The following NKAIN2 variants were observed in gnomAD, a reference collection of about 807,000 sequenced individuals.
NKAIN2 encodes the protein sodium/potassium-transporting ATPase subunit beta-1-interacting protein 2.
Under a neutral mutation model 32.6 loss-of-function variants are expected in NKAIN2, and 14 were observed. The observed-to-expected ratio is 0.43, with a 90% CI of 0.28 to 0.67. NKAIN2 has a LOEUF of 0.67. NKAIN2 is among the 30% of genes least tolerant of loss of function. NKAIN2 has a pLI of 0.17. For synonymous variants in NKAIN2, 80 were observed against 87.2 expected, an observed-to-expected ratio of 0.92 and a Z score of 0.46; for missense variants, 198 against 258.3, an observed-to-expected ratio of 0.77 and a Z score of 1.60.
At position 123,944,443 on chromosome 6, in the gene NKAIN2, T is replaced by A. The variant is rs185791959; in HGVS notation, c.54+140189T>A. On this transcript the variant is annotated intron_variant, in intron 1 of 6. Transcript: ENST00000368417. The stretch of plus-strand genomic sequence containing the variant: ...TTTAGTACCCTATCCCCACCTCATG[T>A]GTAGCCTTCTATTTTGGTCCCACAT... Among the ~76,000 whole-genome samples, 581 of 152,122 alleles carry A rather than the reference T, an allele frequency of 3.8e-3. 13 individuals carry two copies. The highest frequency in any genetic ancestry group is 0.036 in the Admixed American group (554 of 15,216).
intron 4 of NKAIN2, among the ~76,000 whole-genome samples, chr6:124,743,226 A>G (rs1393327747): frequency 6.6e-6 from 1 of 151,876 alleles, no homozygotes; most frequent in East Asian, 2.0e-4. Flanking sequence ...ACCTGTAGGA[A>G]CACATAGTTC....
intron 3 of NKAIN2, among the ~76,000 whole-genome samples, chr6:124,416,865 A>G (rs1052571514): frequency 2.6e-5 from 4 of 152,014 alleles, no homozygotes; most frequent in Non-Finnish European, 5.9e-5. Flanking sequence ...AGTTATAAGG[A>G]ACCCTCCCCT....
intron 1 of NKAIN2, among the ~76,000 whole-genome samples, chr6:123,886,262 A>G (rs760906904): frequency 3.3e-5 from 5 of 152,066 alleles, no homozygotes; most frequent in Non-Finnish European, 4.4e-5. Flanking sequence ...TAGAAAACAT[A>G]TAAATAAAAA....
chr6:124,191,593 C>T (rs1790025309), intron 1 of NKAIN2, among the ~76,000 whole-genome samples: 1 of 152,026 alleles, frequency 6.6e-6, no homozygotes, highest in East Asian at 1.9e-4. Flanking sequence ...GCCTTTTGCC[C>T]ATTTGCCTTA....
At chr6:124,175,875 T>G (rs1582794167) in intron 1 of NKAIN2, among the ~76,000 whole-genome samples, 1 of 152,184 alleles carries the variant, frequency 6.6e-6, no homozygotes, top group East Asian at 1.9e-4. Flanking sequence ...CCTTTATTTC[T>G]CTCTTTCTCA....
At chr6:124,671,240 T>C (rs1050413632) in intron 4 of NKAIN2, among the ~76,000 whole-genome samples, 1 of 152,082 alleles carries the variant, frequency 6.6e-6, no homozygotes, top group Non-Finnish European at 1.5e-5. Context: ...GAGGTATCAT[T>C]ATATCTCTCC....
intron 1 of NKAIN2, among the ~76,000 whole-genome samples, chr6:124,222,967 A>C (rs1791908652): frequency 1.3e-5 from 2 of 152,118 alleles, no homozygotes; most frequent in Non-Finnish European, 2.9e-5. Flanking sequence ...TGCTTTAAAG[A>C]GAAAGAGACC....
chr6:124,613,989 A>G (rs1357747912), intron 3 of NKAIN2, among the ~76,000 whole-genome samples: 1 of 152,132 alleles, frequency 6.6e-6, no homozygotes, highest in Non-Finnish European at 1.5e-5. Flanking sequence ...ATTCCAGTAA[A>G]ATGATCAGGT....
intron 1 of NKAIN2, among the ~76,000 whole-genome samples, chr6:124,235,280 T>C (rs1480194051): frequency 2.0e-5 from 3 of 152,166 alleles, no homozygotes; most frequent in Admixed American, 6.5e-5. Context: ...ATGGAAAACA[T>C]CTTACCTTCC....
At chr6:123,852,812 A>G (rs1400067966) in intron 1 of NKAIN2, among the ~76,000 whole-genome samples, 1 of 152,202 alleles carries the variant, frequency 6.6e-6, no homozygotes, top group African/African-American at 2.4e-5. Context: ...TCCCTTCCTG[A>G]ACTTTACTAT....
At chr6:124,687,877 G>A (rs1774061391) in intron 4 of NKAIN2, among the ~76,000 whole-genome samples, 1 of 150,456 alleles carries the variant, frequency 6.6e-6, no homozygotes, top group South Asian at 2.1e-4. Context: ...AATCATGGGG[G>A]CCCTCCTAGA....
At chr6:124,308,102 G>A (rs1489684380) in intron 2 of NKAIN2, among the ~76,000 whole-genome samples, 5 of 151,982 alleles carry the variant, frequency 3.3e-5, no homozygotes, top group Admixed American at 6.6e-5. Context: ...TTTAAGCCCC[G>A]CATGCATTAG....
chr6:124,186,501 A>G (rs1389267043), intron 1 of NKAIN2, among the ~76,000 whole-genome samples: 1 of 152,162 alleles, frequency 6.6e-6, no homozygotes, highest in East Asian at 1.9e-4. Flanking sequence ...AGGAGACACA[A>G]TGAAGGAGGT....
At chr6:124,467,998 CTAAA>C (rs1488064690) in intron 3 of NKAIN2, among the ~76,000 whole-genome samples, 3 of 151,988 alleles carry the variant, frequency 2.0e-5, no homozygotes, top group African/African-American at 7.2e-5. Flanking sequence ...CATTGTAAGA[CTAAA>C]TGAGAAATTT....
chr6:124,196,382 A>G (rs557749283), intron 1 of NKAIN2, among the ~76,000 whole-genome samples: 2 of 152,236 alleles, frequency 1.3e-5, no homozygotes, highest in East Asian at 1.9e-4. Context: ...AGGTTCCACT[A>G]TATTCCCCAT....
chr6:124,545,973 T>C (rs1351485088), intron 3 of NKAIN2, among the ~76,000 whole-genome samples: 1 of 152,112 alleles, frequency 6.6e-6, no homozygotes, highest in Non-Finnish European at 1.5e-5. Flanking sequence ...CTTCAACTTT[T>C]TTAATGTTTT....
intron 1 of NKAIN2, among the ~76,000 whole-genome samples, chr6:124,227,802 T>C (rs2758838): frequency 0.7 from 107,040 of 152,022 alleles, 37,859 homozygotes; most frequent in South Asian, 0.76. Flanking sequence ...GCCTTCTGGA[T>C]GTGGAACACA....
chr6:124,787,463 A>G (rs1174496728), intron 4 of NKAIN2, among the ~76,000 whole-genome samples: 1 of 152,140 alleles, frequency 6.6e-6, no homozygotes, highest in African/African-American at 2.4e-5. Context: ...ATTACTCATT[A>G]CTGGAGGTGC....
chr6:124,736,859 C>A (rs996561723), intron 4 of NKAIN2, among the ~76,000 whole-genome samples: 2 of 151,944 alleles, frequency 1.3e-5, no homozygotes, highest in African/African-American at 4.8e-5. Context: ...AACACAACAA[C>A]CATTCTGCAG....
Sources: gnomAD v4.1 joint callset for allele counts (sites outside exome capture counted in the v4.1 genomes callset) on GRCh38, gnomAD v4.1.1 for gene constraint, MANE v1.5 for transcripts, NCBI Gene and HGNC (gene_info 2026-07-23, HGNC 2026-07-21) for gene names.